The following LRMDA variants were observed in gnomAD, a reference collection of about 807,000 sequenced individuals.
LRMDA encodes the protein leucine rich melanocyte differentiation associated.
LRMDA carries 18 observed loss-of-function variants against 29.8 expected under a neutral mutation model. That is an observed-to-expected ratio of 0.60 (90% CI 0.42 to 0.90). The LOEUF is 0.90. Among genes scored for constraint, LRMDA ranks in the 40% least tolerant of loss-of-function variants. The pLI, the probability that LRMDA is intolerant of heterozygous loss-of-function variation, is 0.00. For synonymous variants in LRMDA, 125 were observed against 109.4 expected, an observed-to-expected ratio of 1.14 and a Z score of -0.89; for missense variants, 273 against 273.9, an observed-to-expected ratio of 1.00 and a Z score of 0.02.
At position 76,189,046 on chromosome 10, in the gene LRMDA, G is replaced by T. The variant is rs12260563; in HGVS notation, c.516+130263G>T. On this transcript the variant is annotated intron_variant, in intron 5 of 6. Coordinates refer to ENST00000611255, the MANE Select transcript of LRMDA (RefSeq NM_001305581.2). Reference sequence around the variant, plus strand: ...AGCTTAGTAGCCATTTGAAAAAATAGGTATACATTGAAAGAAAATGTTTTT... The same window carrying T: ...AGCTTAGTAGCCATTTGAAAAAATATGTATACATTGAAAGAAAATGTTTTT... Among the ~76,000 whole-genome samples the T allele has an allele frequency of 1.8e-4, 28 of 151,920 alleles. 1 individual carries two copies. In the East Asian group the frequency reaches 5.4e-3, roughly 29 times the overall value.
At chr10:76,551,667 A>G (rs1175508680) in intron 6 of LRMDA, among the ~76,000 whole-genome samples, 1 of 152,184 alleles carries the variant, frequency 6.6e-6, no homozygotes, top group Non-Finnish European at 1.5e-5. Context: ...TCCATGGTAA[A>G]CAAGATGCTT....
At chr10:75,578,227 A>AAAAAAAAAAAAAAAAAAAAC in intron 2 of LRMDA, among the ~76,000 whole-genome samples, 2 of 142,974 alleles carry the variant, frequency 1.4e-5, no homozygotes, top group Admixed American at 7.1e-5. Flanking sequence ...AAAAAAAAAA[A>AAAAAAAAAAAAAAAAAAAAC]AAAAAAAAAA....
chr10:76,543,200 C>T (rs1009860301), intron 6 of LRMDA, among the ~76,000 whole-genome samples: 7 of 152,064 alleles, frequency 4.6e-5, no homozygotes, highest in African/African-American at 1.7e-4. Flanking sequence ...AAGGTGTTCA[C>T]CAGTCCAGTG....
intron 5 of LRMDA, among the ~76,000 whole-genome samples, chr10:76,216,423 T>C (rs1851729495): frequency 6.6e-6 from 1 of 152,112 alleles, no homozygotes; most frequent in Admixed American, 6.5e-5. Flanking sequence ...TATATGCAAA[T>C]GATAATGGAT....
At chr10:76,109,488 TACAAC>T (rs1308345327) in intron 5 of LRMDA, among the ~76,000 whole-genome samples, 2 of 152,230 alleles carry the variant, frequency 1.3e-5, no homozygotes, top group African/African-American at 4.8e-5. Flanking sequence ...AGTGCTCCCT[TACAAC>T]ACAGTAATTC....
intron 5 of LRMDA, among the ~76,000 whole-genome samples, chr10:76,198,009 C>T (rs564845022): frequency 1.3e-5 from 2 of 152,266 alleles, no homozygotes; most frequent in East Asian, 1.9e-4. Context: ...CTGAAGTAGA[C>T]CTTGATCCCA....
intron 2 of LRMDA, among the ~76,000 whole-genome samples, chr10:75,628,081 A>T (rs7073834): frequency 0.03 from 4,534 of 152,244 alleles, 163 homozygotes; most frequent in African/African-American, 0.078. Flanking sequence ...AATATATCTG[A>T]GTACAAAGAA....
chr10:75,655,222 C>T (rs1438550864), intron 2 of LRMDA, among the ~76,000 whole-genome samples: 1 of 152,240 alleles, frequency 6.6e-6, no homozygotes, highest in African/African-American at 2.4e-5. Flanking sequence ...TAACTAAAAG[C>T]ACTTTGACAG....
intron 2 of LRMDA, among the ~76,000 whole-genome samples, chr10:75,907,284 A>G (rs1404987857): frequency 6.6e-6 from 1 of 152,230 alleles, no homozygotes; most frequent in Non-Finnish European, 1.5e-5. Flanking sequence ...TTTAATTGCA[A>G]GTTCAATTAA....
At chr10:76,079,631 A>G (rs1394903210) in intron 5 of LRMDA, among the ~76,000 whole-genome samples, 2 of 152,218 alleles carry the variant, frequency 1.3e-5, no homozygotes, top group African/African-American at 4.8e-5. Flanking sequence ...AAATATTTAA[A>G]CCAAAGGGAA....
At chr10:75,524,708 A>T (rs1044587932) in intron 2 of LRMDA, among the ~76,000 whole-genome samples, 1 of 152,206 alleles carries the variant, frequency 6.6e-6, no homozygotes, top group African/African-American at 2.4e-5. Flanking sequence ...GGACTTAGAA[A>T]GAAAGATGAA....
At chr10:76,113,738 C>A (rs935496797) in intron 5 of LRMDA, among the ~76,000 whole-genome samples, 1 of 152,148 alleles carries the variant, frequency 6.6e-6, no homozygotes, top group Non-Finnish European at 1.5e-5. Flanking sequence ...TCTCTCCCAG[C>A]CACAAGTTCA....
intron 5 of LRMDA, among the ~76,000 whole-genome samples, chr10:76,089,673 C>T (rs577267873): frequency 6.0e-4 from 91 of 152,276 alleles, no homozygotes; most frequent in Non-Finnish European, 9.4e-4. Context: ...CCACTGGGCA[C>T]GAGTGCACCA....
chr10:75,717,372 A>G (rs1052560957), intron 2 of LRMDA, among the ~76,000 whole-genome samples: 1 of 152,208 alleles, frequency 6.6e-6, no homozygotes, highest in Non-Finnish European at 1.5e-5. Flanking sequence ...GGGCGATGGG[A>G]TGGTAAATCA....
chr10:75,540,200 C>T (rs568261280), intron 2 of LRMDA, among the ~76,000 whole-genome samples: 1 of 152,266 alleles, frequency 6.6e-6, no homozygotes, highest in Admixed American at 6.5e-5. Flanking sequence ...GGGAGGGCTG[C>T]TCTGAGAAGT....
intron 2 of LRMDA, among the ~76,000 whole-genome samples, chr10:75,757,673 C>CG (rs1461894712): frequency 6.6e-6 from 1 of 152,182 alleles, no homozygotes; most frequent in East Asian, 1.9e-4. Flanking sequence ...ATGGTATGTA[C>CG]GGTACTTAGA....
chr10:76,372,717 A>C (rs10824411), intron 6 of LRMDA, among the ~76,000 whole-genome samples: 46,542 of 152,084 alleles, frequency 0.31, 9,003 homozygotes, highest in Non-Finnish European at 0.44. Context: ...TATGCTATGC[A>C]GAGATGTACT....
intron 2 of LRMDA, among the ~76,000 whole-genome samples, chr10:75,460,548 TA>T (rs1844572558): frequency 6.6e-6 from 1 of 152,218 alleles, no homozygotes; most frequent in South Asian, 2.1e-4. Context: ...TTTTACTTTT[TA>T]AAATTAGTTT....
chr10:76,557,256 G>T lies in LRMDA; in HGVS notation c.649G>T (p.Gly217Cys), dbSNP rs772676632. 6.2e-7 allele frequency: 1 copy of T among 1,614,050 alleles called. No individual in the cohort carries two copies. The highest frequency in any genetic ancestry group is 8.5e-7 in the Non-Finnish European group (1 of 1,179,988). The change falls in exon 7 of 7, where the codon GGC becomes TGC. Residue 217 changes from glycine to cysteine, a missense_variant. Physicochemically the swap from Gly to Cys is radical, Grantham distance 159 (BLOSUM62 -3). Coordinates refer to ENST00000611255, the MANE Select transcript of LRMDA (RefSeq NM_001305581.2). ...RYVYYGKNSE[G>C]NRFIRDDQL The stretch of plus-strand genomic sequence containing the variant: ...CGTTTACTATGGGAAAAACTCAGAG[G>T]GCAACAGGTTTATCCGAGATGACCA...
Sources: gnomAD v4.1 joint callset for allele counts (sites outside exome capture counted in the v4.1 genomes callset) on GRCh38, gnomAD v4.1.1 for gene constraint, MANE v1.5 for transcripts, NCBI Gene and HGNC (gene_info 2026-07-23, HGNC 2026-07-21) for gene names.